The following BANK1 variants were observed in gnomAD, a reference collection of about 807,000 sequenced individuals.
BANK1 encodes the protein B-cell scaffold protein with ankyrin repeats.
BANK1 carries 95 observed loss-of-function variants against 94.5 expected under a neutral mutation model. The observed-to-expected ratio is 1.00, with a 90% CI of 0.85 to 1.19. The LOEUF (loss-of-function observed/expected upper bound fraction) is 1.19, where lower values mean the gene tolerates loss of function less well. BANK1 is among the 50% of genes most tolerant of loss of function. BANK1 has a pLI of 0.00. For synonymous variants in BANK1, 334 were observed against 308.4 expected, an observed-to-expected ratio of 1.08 and a Z score of -0.87; for missense variants, 987 against 932.2, an observed-to-expected ratio of 1.06 and a Z score of -0.77.
intron 7 of BANK1, among the ~76,000 whole-genome samples, chr4:102,007,083 T>A (rs796545979): frequency 1.4e-5 from 1 of 72,310 alleles, no homozygotes; most frequent in Non-Finnish European, 3.4e-5. Context: ...TATATATAAA[T>A]ATATATATAA....
intron 7 of BANK1, among the ~76,000 whole-genome samples, chr4:101,971,146 A>G (rs1724937900): frequency 6.6e-6 from 1 of 152,160 alleles, no homozygotes; most frequent in Admixed American, 6.6e-5. Context: ...CTTTCTCAGT[A>G]TACAGATCAC....
At chr4:101,997,894 G>C (rs1560675930) in intron 7 of BANK1, among the ~76,000 whole-genome samples, 1 of 152,078 alleles carries the variant, frequency 6.6e-6, no homozygotes, top group African/African-American at 2.4e-5. Flanking sequence ...ATTTTTGAAA[G>C]TTTTTTTGTG....
intron 7 of BANK1, among the ~76,000 whole-genome samples, chr4:101,953,384 T>G (rs140168595): frequency 2.3e-4 from 35 of 152,230 alleles, no homozygotes; most frequent in African/African-American, 8.4e-4. Context: ...GGCATCTCTG[T>G]TCTTGATCAG....
At chr4:101,895,561 G>T in intron 6 of BANK1, 151 bp downstream of exon 6, 1 of 503,200 alleles carries the variant, frequency 2.0e-6, no homozygotes, top group South Asian at 3.2e-5. Context: ...GGGTACATTA[G>T]TACAAACTTC....
chr4:101,856,588 A>G (rs183299094), intron 3 of BANK1, among the ~76,000 whole-genome samples: 343 of 152,336 alleles, frequency 2.3e-3, no homozygotes, highest in African/African-American at 7.5e-3. Context: ...GCTGCTTTTA[A>G]AAATATCTGC....
At chr4:101,994,185 A>G (rs1316053578) in intron 7 of BANK1, among the ~76,000 whole-genome samples, 1 of 152,234 alleles carries the variant, frequency 6.6e-6, no homozygotes, top group African/African-American at 2.4e-5. Flanking sequence ...AGACTTTAAC[A>G]AAAGGAACAT....
At chr4:101,911,787 A>T (rs995258586) in intron 6 of BANK1, among the ~76,000 whole-genome samples, 6 of 152,126 alleles carry the variant, frequency 3.9e-5, no homozygotes, top group Admixed American at 6.6e-5. Context: ...AGAATGAAAA[A>T]TTGGCATGTG....
chr4:102,056,031 C>T (rs1420884429), intron 11 of BANK1, among the ~76,000 whole-genome samples: 5 of 152,048 alleles, frequency 3.3e-5, no homozygotes, highest in African/African-American at 1.2e-4. Flanking sequence ...CTACAGGACT[C>T]AGTGTTATAA....
chr4:101,871,021 G>A (rs1728266833), intron 5 of BANK1, among the ~76,000 whole-genome samples: 1 of 152,040 alleles, frequency 6.6e-6, no homozygotes, highest in Non-Finnish European at 1.5e-5. Context: ...TCTGTCTCAT[G>A]CTTTGAGATT....
At position 102,054,395 on chromosome 4, in the gene BANK1, T is replaced by A. The variant is rs188265646; in HGVS notation, c.1970-5816T>A. Among the ~76,000 whole-genome samples, 161 of 152,210 alleles carry A rather than the reference T, an allele frequency of 1.1e-3. 1 individual carries two copies. Among genetic ancestry groups the A allele is most frequent in the Middle Eastern group, 6.8e-3 (2 of 294 alleles). ...GCTCCTTTAACTCTTGCAACAACTC[T>A]GTTAGAAGGGGATTATTTACCTTCA... On this transcript the variant is annotated intron_variant, in intron 11 of 16. Transcript: ENST00000322953.
At chr4:101,842,954 T>A (rs181216672) in intron 2 of BANK1, among the ~76,000 whole-genome samples, 10 of 152,372 alleles carry the variant, frequency 6.6e-5, no homozygotes, top group African/African-American at 2.2e-4. Context: ...TTATTTTATT[T>A]GAATCCAATT....
intron 5 of BANK1, among the ~76,000 whole-genome samples, chr4:101,871,849 T>G (rs1578369713): frequency 6.6e-6 from 1 of 152,290 alleles, no homozygotes; most frequent in East Asian, 1.9e-4. Flanking sequence ...TCTGTTGGTC[T>G]TTCTGTTGTG....
chr4:101,905,885 G>A (rs371578040), intron 6 of BANK1, among the ~76,000 whole-genome samples: 370 of 152,256 alleles, frequency 2.4e-3, no homozygotes, highest in Middle Eastern at 0.02. Context: ...TAAAATCAAC[G>A]TATGGTTCTC....
Position 102,060,387 on chromosome 4 carries a change from C to T in BANK1, c.2146C>T (p.Gln716Ter). Reference protein sequence around the residue: ...MGKSGLEMIQQEKLRQLRDCI... With the variant: ...MGKSGLEMIQ ...AAAAAGTGGCCTGGAAATGATTCAG[C>T]AGGTAATATTGGCCCAGTGTTTTCT... The change falls in exon 12 of 17, where the codon CAG becomes TAG. Residue 716 changes from glutamine (Q) to a stop codon, truncating the protein, a stop_gained and splice_region_variant. Transcript: ENST00000322953. LOFTEE classifies it high-confidence loss of function. 1 of 1,603,768 alleles carries T rather than the reference C, an allele frequency of 6.2e-7. No individual in the cohort carries two copies.
chr4:101,889,201 A>G (rs1721751621), intron 5 of BANK1, among the ~76,000 whole-genome samples: 1 of 152,064 alleles, frequency 6.6e-6, no homozygotes, highest in African/African-American at 2.4e-5. Context: ...TGTATGTAGA[A>G]TTGTTCATAT....
chr4:101,803,989 C>A, intron 1 of BANK1, among the ~76,000 whole-genome samples: 1 of 81,698 alleles, frequency 1.2e-5, no homozygotes, highest in Non-Finnish European at 2.1e-5. Flanking sequence ...CAGAGCGAGA[C>A]TCCGTCTCAA....
At chr4:101,970,750 A>T (rs1724925481) in intron 7 of BANK1, among the ~76,000 whole-genome samples, 1 of 152,092 alleles carries the variant, frequency 6.6e-6, no homozygotes, top group African/African-American at 2.4e-5. Context: ...TGCTCCCCAG[A>T]TAGATGTTTG....
chr4:101,916,451 C>A (rs1722831869), intron 6 of BANK1, among the ~76,000 whole-genome samples: 1 of 151,940 alleles, frequency 6.6e-6, no homozygotes, highest in Non-Finnish European at 1.5e-5. Flanking sequence ...CTGTTAAATT[C>A]TTGTTTAATG....
chr4:101,864,303 A>G (rs990564800), intron 4 of BANK1, among the ~76,000 whole-genome samples: 3 of 152,194 alleles, frequency 2.0e-5, no homozygotes, highest in Non-Finnish European at 4.4e-5. Flanking sequence ...ATGGGCCCAG[A>G]GCCTTATTTT....
Sources: gnomAD v4.1 joint callset for allele counts (sites outside exome capture counted in the v4.1 genomes callset) on GRCh38, gnomAD v4.1.1 for gene constraint, MANE v1.5 for transcripts, NCBI Gene and HGNC (gene_info 2026-07-23, HGNC 2026-07-21) for gene names.